The following BCAT1 variants were observed in gnomAD, a reference collection of about 807,000 sequenced individuals.
The protein encoded by BCAT1 is branched-chain-amino-acid aminotransferase, cytosolic.
BCAT1 carries 48 observed loss-of-function variants against 52.4 expected under a neutral mutation model. The observed-to-expected ratio is 0.92, with a 90% CI of 0.73 to 1.16. The LOEUF (loss-of-function observed/expected upper bound fraction) is 1.16. Among genes scored for constraint, BCAT1 ranks in the 50% most tolerant of loss-of-function variants. The pLI, the probability that BCAT1 is intolerant of heterozygous loss-of-function variation, is 0.00. For synonymous variants in BCAT1, 167 were observed against 161.3 expected (o/e 1.04, Z -0.27); for missense variants, 451 against 457.1 (o/e 0.99, Z 0.12).
chr12:24,882,689 C>G (rs970617821), intron 3 of BCAT1, among the ~76,000 whole-genome samples: 2 of 151,858 alleles, frequency 1.3e-5, no homozygotes, highest in Non-Finnish European at 2.9e-5. Flanking sequence ...ACCTCTACCC[C>G]CTGGGTTCAA....
chr12:24,855,311 A>AAAAAAAAAAAGAAAG (rs1052773144), intron 5 of BCAT1, among the ~76,000 whole-genome samples: 3 of 151,248 alleles, frequency 2.0e-5, no homozygotes, highest in Non-Finnish European at 4.4e-5. Flanking sequence ...GCAGTTAAAA[A>AAAAAAAAAAAGAAAG]AAAAAAAAAA....
At chr12:24,853,877 G>A (rs973302506) in intron 5 of BCAT1, among the ~76,000 whole-genome samples, 6 of 151,606 alleles carry the variant, frequency 4.0e-5, no homozygotes, top group African/African-American at 1.5e-4. Flanking sequence ...GAATTAAAAG[G>A]GGCTTTAAAA....
At chr12:24,836,839 AG>A (rs1565454304) in intron 7 of BCAT1, among the ~76,000 whole-genome samples, 4 of 134,774 alleles carry the variant, frequency 3.0e-5, no homozygotes, top group African/African-American at 1.1e-4. Flanking sequence ...GGAAGGAAGG[AG>A]AGAGAGAGAA....
At chr12:24,898,638 C>T (rs1042606245) in intron 2 of BCAT1, among the ~76,000 whole-genome samples, 4 of 149,956 alleles carry the variant, frequency 2.7e-5, no homozygotes, top group African/African-American at 7.3e-5. Flanking sequence ...GCCTCAGCCT[C>T]CCAGGTAGCT....
At chr12:24,873,260 C>T (rs1228834240) in intron 5 of BCAT1, among the ~76,000 whole-genome samples, 1 of 152,106 alleles carries the variant, frequency 6.6e-6, no homozygotes. Context: ...TCTTAATTCC[C>T]AACTGATATG....
In BCAT1 at chr12:24,894,910, A is replaced by T. The variant is rs561674021; in HGVS notation, c.79-435T>A. 2.0e-5 allele frequency among the ~76,000 whole-genome samples: 3 copies of T among 152,368 alleles called. No homozygotes were observed. In the South Asian group the frequency reaches 6.2e-4, roughly 32 times the overall value. ...ATTAAGTACTGAACTGCTATTTAGC[A>T]ATGGTTACACTCCAACTGCCCCAAA... is the stretch of plus-strand genomic sequence containing the variant. On this transcript the variant is annotated intron_variant, in intron 2 of 10. Transcript: ENST00000261192.
chr12:24,890,687 C>T (rs1942813240), intron 3 of BCAT1, among the ~76,000 whole-genome samples: 1 of 152,162 alleles, frequency 6.6e-6, no homozygotes. Flanking sequence ...AGGAATTGCC[C>T]ATCCCTTTTC....
chr12:24,893,574 T>C (rs569153482), intron 3 of BCAT1, among the ~76,000 whole-genome samples: 5 of 152,302 alleles, frequency 3.3e-5, no homozygotes, highest in Admixed American at 1.3e-4. Flanking sequence ...AAACAAAAGT[T>C]GTTATTTTAT....
intron 10 of BCAT1, among the ~76,000 whole-genome samples, chr12:24,819,149 G>A (rs1290369548): frequency 2.6e-5 from 4 of 152,012 alleles, no homozygotes; most frequent in Admixed American, 2.6e-4. Flanking sequence ...CAAATTCCAT[G>A]TTCTTGACCA....
chr12:24,946,713 G>A (rs1337768391), intron 1 of BCAT1, among the ~76,000 whole-genome samples: 5 of 152,154 alleles, frequency 3.3e-5, no homozygotes, highest in African/African-American at 1.2e-4. Flanking sequence ...AGATCGCTCT[G>A]CGCTATTTTT....
chr12:24,928,891 T>C (rs1943636804), intron 1 of BCAT1, among the ~76,000 whole-genome samples: 2 of 144,704 alleles, frequency 1.4e-5, no homozygotes, highest in African/African-American at 2.7e-5. Flanking sequence ...ACGTGCACCA[T>C]GCCCGGCTAA....
chr12:24,845,146 G>A (rs967468268), intron 6 of BCAT1, among the ~76,000 whole-genome samples: 2 of 151,570 alleles, frequency 1.3e-5, no homozygotes, highest in African/African-American at 2.4e-5. Flanking sequence ...CCAGGGAGGC[G>A]GAGGTTGCAG....
At chr12:24,841,014 C>T (rs1335688240) in intron 7 of BCAT1, among the ~76,000 whole-genome samples, 2 of 152,004 alleles carry the variant, frequency 1.3e-5, no homozygotes, top group African/African-American at 4.8e-5. Context: ...CCATTTAATT[C>T]AATATCATAC....
At chr12:24,860,317 A>G (rs1941819442) in intron 5 of BCAT1, among the ~76,000 whole-genome samples, 1 of 152,218 alleles carries the variant, frequency 6.6e-6, no homozygotes, top group African/African-American at 2.4e-5. Flanking sequence ...AAACTAATAA[A>G]AGAACAAAAT....
intron 5 of BCAT1, among the ~76,000 whole-genome samples, chr12:24,858,354 C>T (rs556283988): frequency 5.3e-5 from 8 of 152,236 alleles, no homozygotes; most frequent in African/African-American, 1.9e-4. Flanking sequence ...ATTCATGGGA[C>T]TTTAATAATC....
chr12:24,830,169 T>C (rs772031543), intron 9 of BCAT1: 10 of 305,694 alleles, frequency 3.3e-5, no homozygotes, highest in East Asian at 5.2e-5. Context: ...TCAGGATCAT[T>C]TGAAGAACCA....
intron 9 of BCAT1, among the ~76,000 whole-genome samples, chr12:24,832,243 G>A (rs1940699611): frequency 6.6e-6 from 1 of 152,120 alleles, no homozygotes; most frequent in African/African-American, 2.4e-5. Flanking sequence ...CCGACATGTA[G>A]GTAAGACAGA....
At chr12:24,870,512 A>G (rs2139559471) in intron 5 of BCAT1, among the ~76,000 whole-genome samples, 1 of 152,266 alleles carries the variant, frequency 6.6e-6, no homozygotes, top group African/African-American at 2.4e-5. Context: ...ATATGCACTC[A>G]TTTAGTGGGT....
chr12:24,925,934 T>C (rs1943573228), intron 1 of BCAT1, among the ~76,000 whole-genome samples: 1 of 152,170 alleles, frequency 6.6e-6, no homozygotes, highest in Non-Finnish European at 1.5e-5. Flanking sequence ...TGATCTCGGC[T>C]CGCTACAACC....
Sources: gnomAD v4.1 joint callset for allele counts (sites outside exome capture counted in the v4.1 genomes callset) on GRCh38, gnomAD v4.1.1 for gene constraint, MANE v1.5 for transcripts, NCBI Gene and HGNC (gene_info 2026-07-23, HGNC 2026-07-21) for gene names.